Variants in PLGRKT observed in about 807,000 individuals in gnomAD.
PLGRKT encodes plasminogen receptor (KT).
PLGRKT carries 22 observed loss-of-function variants against 18.5 expected under a neutral mutation model. The observed-to-expected ratio is 1.19, with a 90% CI of 0.85 to 1.70. PLGRKT has a LOEUF of 1.70. Ranked by LOEUF, PLGRKT falls within the 40% of genes most tolerant of loss-of-function variation. The pLI is 0.00. For missense variants in PLGRKT, 235 were observed against 174.4 expected (o/e 1.35, Z -1.96); for synonymous variants, 72 against 52.8 (o/e 1.36, Z -1.58).
At chr9:5,427,135 C>A (rs921788520) in intron 3 of PLGRKT, among the ~76,000 whole-genome samples, 1 of 152,144 alleles carries the variant, frequency 6.6e-6, no homozygotes, top group Non-Finnish European at 1.5e-5. Context: ...ACCCATCATT[C>A]TGAGTAATGT....
intron 3 of PLGRKT, among the ~76,000 whole-genome samples, chr9:5,362,506 A>T (rs558375546): frequency 2.6e-5 from 4 of 152,320 alleles, no homozygotes; most frequent in Admixed American, 2.6e-4. Flanking sequence ...TGATTTTTAG[A>T]AAATACTCAG....
In PLGRKT at chr9:5,418,788, G is replaced by T; in HGVS notation, c.81+13109C>A. The T allele has an allele frequency of 3.6e-6, 3 of 824,444 alleles. No homozygotes were observed. Among genetic ancestry groups the T allele is most frequent in the Non-Finnish European group, 6.1e-6 (3 of 489,378 alleles). 51.1% of individuals were successfully genotyped at this position (824,444 alleles called of 1,614,324 possible). A position where few individuals can be genotyped will look rare whatever the true frequency, so the allele number is the denominator to read the frequency against. On this transcript the variant is annotated intron_variant, in intron 3 of 5. Transcript: ENST00000223864. The surrounding 1 kb of genome is among the most constrained non-coding windows in gnomAD (Gnocchi z 4.2). The stretch of plus-strand genomic sequence containing the variant: ...GGTCGTCGAGGAGCTGCGACACGGA[G>T]AAGTCAGGGGGCAGCTTGGTGACAC...
intron 3 of PLGRKT, among the ~76,000 whole-genome samples, chr9:5,375,570 G>C (rs976884769): frequency 6.6e-6 from 1 of 152,062 alleles, no homozygotes; most frequent in Non-Finnish European, 1.5e-5. Flanking sequence ...TTTCAAGGAA[G>C]GCAGGGAAAA....
At chr9:5,423,547 C>T (rs1818617170) in intron 3 of PLGRKT, among the ~76,000 whole-genome samples, 2 of 152,126 alleles carry the variant, frequency 1.3e-5, no homozygotes, top group South Asian at 4.1e-4. Flanking sequence ...CTCCCAGGCA[C>T]TGACCTTTTT....
intron 3 of PLGRKT, among the ~76,000 whole-genome samples, chr9:5,417,041 T>G (rs1386752353): frequency 6.6e-6 from 1 of 152,240 alleles, no homozygotes; most frequent in Non-Finnish European, 1.5e-5. Flanking sequence ...TGCATAATAG[T>G]ATTTGCATTT....
Position 5,358,176 on chromosome 9 carries a change from CTG to C in PLGRKT, c.*61_*62del. 1 of 1,259,178 alleles carries C rather than the reference CTG, an allele frequency of 7.9e-7. No homozygotes were observed. Among genetic ancestry groups the C allele is most frequent in the Non-Finnish European group, 1.1e-6 (1 of 902,506 alleles). 78.0% of individuals were successfully genotyped at this position (1,259,178 alleles called of 1,614,324 possible). A position where few individuals can be genotyped will look rare whatever the true frequency, so the allele number is the denominator to read the frequency against. ...ATCAAAATCTTGAGCATTTAAAAAA[CTG>C]TAAAAACCATGATTCAAGTCAATAA... On this transcript the variant is annotated 3_prime_UTR_variant, in exon 6 of 6. Transcript: ENST00000223864.
At chr9:5,391,966 G>A (rs1817957241) in intron 3 of PLGRKT, among the ~76,000 whole-genome samples, 1 of 151,870 alleles carries the variant, frequency 6.6e-6, no homozygotes, top group Admixed American at 6.6e-5. Context: ...TAGCTGCAAG[G>A]ATGCACAGAG....
chr9:5,436,235 C>A (rs571636873), intron 2 of PLGRKT, among the ~76,000 whole-genome samples: 2 of 152,224 alleles, frequency 1.3e-5, no homozygotes, highest in Non-Finnish European at 2.9e-5. Flanking sequence ...GAGATATTAT[C>A]CATCTTGATA....
At chr9:5,369,367 A>G (rs1302248977) in intron 3 of PLGRKT, among the ~76,000 whole-genome samples, 2 of 152,260 alleles carry the variant, frequency 1.3e-5, no homozygotes, top group Non-Finnish European at 2.9e-5. Flanking sequence ...CATTAGAGAA[A>G]TGCAAATCAA....
chr9:5,421,069 C>T (rs763936423), intron 3 of PLGRKT, among the ~76,000 whole-genome samples: 1 of 152,156 alleles, frequency 6.6e-6, no homozygotes, highest in Non-Finnish European at 1.5e-5. Context: ...AATGGCTTCC[C>T]ACGTCACTCA....
At chr9:5,422,199 C>T (rs934462941) in intron 3 of PLGRKT, among the ~76,000 whole-genome samples, 2 of 152,060 alleles carry the variant, frequency 1.3e-5, no homozygotes, top group East Asian at 1.9e-4. Flanking sequence ...ATGGTAAGGC[C>T]GGCCGATCAC....
chr9:5,375,643 G>A (rs1179487160), intron 3 of PLGRKT, among the ~76,000 whole-genome samples: 1 of 152,186 alleles, frequency 6.6e-6, no homozygotes, highest in African/African-American at 2.4e-5. Flanking sequence ...TTCTACCCAA[G>A]AGGATGACTA....
chr9:5,362,317 T>G (rs1431208947), intron 3 of PLGRKT, among the ~76,000 whole-genome samples: 1 of 152,214 alleles, frequency 6.6e-6, no homozygotes, highest in Non-Finnish European at 1.5e-5. Flanking sequence ...GAGTATTTAT[T>G]TGCTCCATAT....
At chr9:5,435,194 G>C (rs986798138) in intron 2 of PLGRKT, among the ~76,000 whole-genome samples, 1 of 151,988 alleles carries the variant, frequency 6.6e-6, no homozygotes, top group African/African-American at 2.4e-5. Flanking sequence ...AGGCCGCAGG[G>C]ACCTCTGCCT....
intron 3 of PLGRKT, among the ~76,000 whole-genome samples, chr9:5,386,433 T>C (rs1202050791): frequency 1.3e-5 from 2 of 151,888 alleles, no homozygotes; most frequent in Non-Finnish European, 2.9e-5. Context: ...AGTATGCTAC[T>C]GGCATCTAGT....
At chr9:5,435,100 A>G (rs1457428578) in intron 2 of PLGRKT, among the ~76,000 whole-genome samples, 1 of 151,842 alleles carries the variant, frequency 6.6e-6, no homozygotes, top group Non-Finnish European at 1.5e-5. Flanking sequence ...GTGCTTTGTT[A>G]AACAGATGCT....
chr9:5,381,345 C>T (rs1452660688), intron 3 of PLGRKT, among the ~76,000 whole-genome samples: 1 of 152,236 alleles, frequency 6.6e-6, no homozygotes, highest in Admixed American at 6.5e-5. Context: ...GGACATGGTG[C>T]CCTGCATCCC....
intron 3 of PLGRKT, among the ~76,000 whole-genome samples, chr9:5,366,641 C>T (rs768225163): frequency 6.6e-6 from 1 of 152,092 alleles, no homozygotes; most frequent in Non-Finnish European, 1.5e-5. Flanking sequence ...CCTATGACAA[C>T]ATCACTGAAT....
rs112415152 is a variant in PLGRKT at position 5,399,728 on chromosome 9, C to T, written c.81+32169G>A. On this transcript the variant is annotated intron_variant, in intron 3 of 5. Coordinates refer to ENST00000223864, the MANE Select transcript of PLGRKT (RefSeq NM_018465.4). ...CGCAGGCCAGGCACGGTGGCTCATG[C>T]CTGTAATACCAGCAATTTGGGAGGC... Among the ~76,000 whole-genome samples the T allele has an allele frequency of 9.9e-3, 1,504 of 151,768 alleles. 47 individuals are homozygous for T. Among genetic ancestry groups the T allele is most frequent in the African/African-American group, 0.035 (1,438 of 41,148 alleles).
Sources: allele counts gnomAD v4.1 joint callset (sites outside exome capture counted in the v4.1 genomes callset), GRCh38; gene constraint gnomAD v4.1.1; non-coding constraint Gnocchi (gnomAD v3.1); transcripts MANE v1.5; gene names NCBI Gene and HGNC (gene_info 2026-07-23, HGNC 2026-07-21).